Variants in MSRA observed in about 807,000 individuals in gnomAD.
MSRA encodes the protein mitochondrial peptide methionine sulfoxide reductase.
A neutral mutation model predicts 31.3 loss-of-function variants in MSRA; 54 were observed. That is an observed-to-expected ratio of 1.73 (90% confidence interval 1.39 to 2.17). The LOEUF (loss-of-function observed/expected upper bound fraction) is 2.17, where lower values mean the gene tolerates loss of function less well. MSRA is among the 30% of genes most tolerant of loss of function. MSRA has a pLI of 0.00. For synonymous variants in MSRA, 169 were observed against 116.5 expected (o/e 1.45, Z -2.90); for missense variants, 507 against 300.9 (o/e 1.69, Z -5.07).
intron 3 of MSRA, among the ~76,000 whole-genome samples, chr8:10,273,951 T>A (rs1799181219): frequency 6.6e-6 from 1 of 152,034 alleles, no homozygotes; most frequent in Admixed American, 6.6e-5. Context: ...GCAGCTGCTT[T>A]ATAGGAGGTG....
intron 5 of MSRA, among the ~76,000 whole-genome samples, chr8:10,400,284 T>G (rs1807372026): frequency 2.0e-5 from 3 of 147,242 alleles, no homozygotes; most frequent in African/African-American, 2.5e-5. Context: ...GTGGAGAGGG[T>G]GGAGGGGAGG....
At chr8:10,242,127 C>T (rs777558201) in intron 2 of MSRA, among the ~76,000 whole-genome samples, 10 of 151,998 alleles carry the variant, frequency 6.6e-5, no homozygotes, top group South Asian at 2.1e-4. Flanking sequence ...CAGAATTAGC[C>T]GGGCATGGTA....
In MSRA at chr8:10,381,730, A is replaced by T. The variant is rs183018218; in HGVS notation, c.544-46418A>T. ...GTCAGGGGTAATAGGTGCTGCCCCA[A>T]TGACAGTGCTAAAGCAGAATCAGGG... On this transcript the variant is annotated intron_variant, in intron 5 of 5. Transcript: ENST00000317173. 1.9e-4 allele frequency among the ~76,000 whole-genome samples: 29 copies of T among 152,336 alleles called. 1 individual carries two copies. In the East Asian group the frequency reaches 5.4e-3, roughly 28 times the overall value.
intron 5 of MSRA, among the ~76,000 whole-genome samples, chr8:10,325,409 G>A (rs1248190804): frequency 6.6e-6 from 1 of 152,050 alleles, no homozygotes; most frequent in Non-Finnish European, 1.5e-5. Flanking sequence ...AGTACCAACA[G>A]AGTACTTACT....
At chr8:10,062,587 G>A (rs1179917453) in intron 1 of MSRA, among the ~76,000 whole-genome samples, 1 of 152,182 alleles carries the variant, frequency 6.6e-6, no homozygotes, top group South Asian at 2.1e-4. Flanking sequence ...GCAGTATCAT[G>A]CCAACAGACA....
Position 10,172,838 on chromosome 8 carries a change from G to A in MSRA, c.143-34995G>A, listed in dbSNP as rs201475931. Among the ~76,000 whole-genome samples the A allele has an allele frequency of 5.9e-5, 9 of 152,296 alleles. No homozygotes were observed. In the South Asian group the frequency reaches 1.2e-3, roughly 21 times the overall value. On this transcript the variant is annotated intron_variant, in intron 1 of 5. Transcript: ENST00000317173. ...TGTTGGGCCATGCATACCAAGAACC[G>A]ATTATGTGCCACGCATAGGTGCTGT... is the stretch of plus-strand genomic sequence containing the variant.
chr8:10,413,674 AAG>A (rs1491589519), intron 5 of MSRA, among the ~76,000 whole-genome samples: 4 of 151,688 alleles, frequency 2.6e-5, no homozygotes, highest in African/African-American at 9.7e-5. Context: ...AAAAAAAAAA[AAG>A]AACTAAGTAG....
chr8:10,292,952 G>A (rs996589594), intron 3 of MSRA, among the ~76,000 whole-genome samples: 2 of 152,200 alleles, frequency 1.3e-5, no homozygotes, highest in South Asian at 4.1e-4. Context: ...AAGGGCTCCT[G>A]TAGGCCCCAG....
intron 1 of MSRA, among the ~76,000 whole-genome samples, chr8:10,142,254 G>T (rs1585018715): frequency 6.6e-6 from 1 of 151,982 alleles, no homozygotes; most frequent in East Asian, 1.9e-4. Flanking sequence ...CACCGTGCCT[G>T]GCCCTTATGT....
intron 5 of MSRA, among the ~76,000 whole-genome samples, chr8:10,325,097 T>A (rs543527933): frequency 2.0e-5 from 3 of 152,170 alleles, no homozygotes; most frequent in African/African-American, 7.2e-5. Context: ...TCTAAAGTGA[T>A]GCATTAGTGT....
intron 5 of MSRA, among the ~76,000 whole-genome samples, chr8:10,363,371 G>C (rs1407695446): frequency 1.3e-5 from 2 of 152,118 alleles, no homozygotes; most frequent in Non-Finnish European, 2.9e-5. Flanking sequence ...GGCCAACCTG[G>C]CATGTGCAAG....
At chr8:10,129,824 TG>T (rs1801769867) in intron 1 of MSRA, among the ~76,000 whole-genome samples, 1 of 144,974 alleles carries the variant, frequency 6.9e-6, no homozygotes, top group African/African-American at 2.6e-5. Context: ...ACTCTGTGTC[TG>T]GCTTGCACAG....
At chr8:10,060,196 G>C (rs756964302) in intron 1 of MSRA, among the ~76,000 whole-genome samples, 6 of 152,162 alleles carry the variant, frequency 3.9e-5, no homozygotes, top group Non-Finnish European at 7.3e-5. Context: ...AATAGCACAA[G>C]ACTGGAAACA....
chr8:10,200,410 C>G (rs948484698), intron 1 of MSRA, among the ~76,000 whole-genome samples: 1 of 152,212 alleles, frequency 6.6e-6, no homozygotes, highest in African/African-American at 2.4e-5. Flanking sequence ...TCCCCTTCAC[C>G]TCCAGCTTTG....
intron 1 of MSRA, among the ~76,000 whole-genome samples, chr8:10,074,687 C>G (rs1797913629): frequency 1.3e-5 from 2 of 152,006 alleles, no homozygotes; most frequent in African/African-American, 2.4e-5. Flanking sequence ...TTGACACAGT[C>G]TTGCTCTGTT....
At chr8:10,318,362 G>A (rs1801845719) in intron 4 of MSRA, among the ~76,000 whole-genome samples, 1 of 152,148 alleles carries the variant, frequency 6.6e-6, no homozygotes, top group African/African-American at 2.4e-5. Context: ...TACAGTGTCA[G>A]GCTCGTGACT....
At chr8:10,203,538 G>A (rs954417060) in intron 1 of MSRA, among the ~76,000 whole-genome samples, 1 of 152,158 alleles carries the variant, frequency 6.6e-6, no homozygotes, top group Non-Finnish European at 1.5e-5. Context: ...TGACATCGTA[G>A]CACAACACAT....
intron 3 of MSRA, among the ~76,000 whole-genome samples, chr8:10,275,030 A>G (rs1799250661): frequency 6.6e-6 from 1 of 151,248 alleles, no homozygotes. Flanking sequence ...TTAATATTGG[A>G]ATTAATCAAG....
chr8:10,159,799 G>A (rs1231301290), intron 1 of MSRA, among the ~76,000 whole-genome samples: 3 of 152,110 alleles, frequency 2.0e-5, no homozygotes. Flanking sequence ...GTCATGAAGA[G>A]GTACAGTGAT....
Sources: gnomAD v4.1 joint callset for allele counts (sites outside exome capture counted in the v4.1 genomes callset) on GRCh38, gnomAD v4.1.1 for gene constraint, MANE v1.5 for transcripts, NCBI Gene and HGNC (gene_info 2026-07-23, HGNC 2026-07-21) for gene names.